Variants in MMP14 observed in about 807,000 individuals in gnomAD.
The protein encoded by MMP14 is matrix metallopeptidase 14.
In MMP14, 13 loss-of-function variants were observed where a neutral mutation model predicts 64.8. The observed-to-expected ratio is 0.20, with a 90% CI of 0.13 to 0.32. MMP14 has a LOEUF of 0.32. MMP14 is among the 10% of genes least tolerant of loss of function. The pLI, the probability that MMP14 is intolerant of heterozygous loss-of-function variation, is 1.00. For missense variants in MMP14, 594 were observed against 783.8 expected (o/e 0.76, Z 2.89); for synonymous variants, 322 against 315.9 (o/e 1.02, Z -0.20).
chr14:22,838,946 T>G (rs749484697), intron 1 of MMP14, among the ~76,000 whole-genome samples: 2 of 152,164 alleles, frequency 1.3e-5, no homozygotes, highest in Non-Finnish European at 2.9e-5. Context: ...CCTTCATTTT[T>G]CTCCCGAGGG....
chr14:22,842,746 TG>T lies in MMP14; in HGVS notation c.688+31del. 22 of 1,559,548 alleles carry T rather than the reference TG, an allele frequency of 1.4e-5. No individual in the cohort carries two copies. The Middle Eastern group carries it at 5.2e-4, about 37-fold the overall frequency. ...AGCCAAGTATCCCTGGGACTTACTC[TG>T]GAAAAAGCCAACAGTCATTTGTAGG... On this transcript the variant is annotated intron_variant, in intron 4 of 9. Transcript: ENST00000311852. The surrounding 1 kb of genome is among the most constrained non-coding windows in gnomAD (Gnocchi z 5.3).
In MMP14 at chr14:22,836,638, G is replaced by A. The variant is rs973163180; in HGVS notation, c.-180G>A. 4.0e-6 allele frequency: 2 copies of A among 500,864 alleles called. No homozygotes were observed. Among genetic ancestry groups the A allele is most frequent in the Admixed American group, 7.4e-5 (2 of 27,208 alleles). The allele number at this position is 500,864 out of a possible 1,614,324, so 31.0% of individuals were successfully genotyped here. On this transcript the variant is annotated 5_prime_UTR_variant, in exon 1 of 10. Coordinates refer to ENST00000311852, the MANE Select transcript of MMP14 (RefSeq NM_004995.4). ...AAAGATCAAAAACCGGAAAAGAGGA[G>A]AAGAGCAAACAGGCACTTTGAGGAA...
rs1171376176 is a variant in MMP14 at position 22,842,431 on chromosome 14, G to A, written c.402G>A (p.Lys134=). 1.9e-6 allele frequency: 3 copies of A among 1,613,190 alleles called. No homozygotes were observed. Among genetic ancestry groups the A allele is most frequent in the Non-Finnish European group, 2.5e-6 (3 of 1,179,474 alleles). ...TCAGCATCCAGAATTACACCCCCAA[G>A]GTGGGCGAGTATGCCACATACGAGG... ...ITFCIQNYTP[K]VGEYATYEAI... The change falls in exon 4 of 10, where the codon AAG becomes AAA. Residue 134 remains lysine, a synonymous_variant. Coordinates refer to ENST00000311852, the MANE Select transcript of MMP14 (RefSeq NM_004995.4). This position sits in a 1 kb window ranked among gnomAD's most constrained non-coding sequence, Gnocchi z 5.3.
chr14:22,841,568 AGCG>A lies in MMP14; in HGVS notation c.189_191del (p.Ala64del), dbSNP rs771845325. The A allele has an allele frequency of 6.2e-7, 1 of 1,614,052 alleles. No individual in the cohort carries two copies. Among genetic ancestry groups the A allele is most frequent in the Non-Finnish European group, 8.5e-7 (1 of 1,180,028 alleles). ...CACAGCGCTCACCCCAGTCACTCTC[AGCG>A]GCCATCGCTGCCATGCAGAAGTTTT... On this transcript the variant is annotated inframe_deletion, in exon 2 of 10. Transcript: ENST00000311852.
rs1312642761 is a variant in MMP14, at chr14:22,841,977, C to T, written c.322C>T (p.Arg108Ter). 1 of 1,614,236 alleles carries T rather than the reference C, an allele frequency of 6.2e-7. No individual in the cohort carries two copies. Among genetic ancestry groups the T allele is most frequent in the Non-Finnish European group, 8.5e-7 (1 of 1,180,040 alleles). The change falls in exon 3 of 10, where the codon CGA (arginine) becomes TGA (stop). Residue 108 changes from arginine (R) to a stop codon, truncating the protein, a stop_gained. Coordinates refer to ENST00000311852, the MANE Select transcript of MMP14 (RefSeq NM_004995.4). LOFTEE classifies it high-confidence loss of function. ...KFGAEIKANVRRKRYAIQGLK... is the reference protein window; with the variant it reads ...KFGAEIKANV The stretch of plus-strand genomic sequence containing the variant: ...TGGGGCTGAGATCAAGGCCAATGTT[C>T]GAAGGAAGCGCTACGCCATCCAGGG...
At chr14:22,841,039 G>A (rs2039769518) in intron 1 of MMP14, among the ~76,000 whole-genome samples, 1 of 152,198 alleles carries the variant, frequency 6.6e-6, no homozygotes, top group African/African-American at 2.4e-5. Flanking sequence ...TCCCATCCCA[G>A]GAGGGCCTCA....
rs749292451 is a variant in MMP14, at chr14:22,842,319, G to A, written c.381-91G>A. On this transcript the variant is annotated intron_variant, in intron 3 of 9. Coordinates refer to ENST00000311852, the MANE Select transcript of MMP14 (RefSeq NM_004995.4). The surrounding 1 kb of genome is among the most constrained non-coding windows in gnomAD (Gnocchi z 5.3). The stretch of plus-strand genomic sequence containing the variant: ...GGTCAGGCAGAGGTGGCTGGGCCGC[G>A]CAGTCAGACCTGGGAGAGTGCAGGG... The A allele has an allele frequency of 5.7e-5, 81 of 1,423,530 alleles. No individual in the cohort carries two copies. The highest frequency in any genetic ancestry group is 2.6e-4 in the Middle Eastern group (1 of 3,890). The allele number at this position is 1,423,530 out of a possible 1,614,324, so 88.2% of individuals were successfully genotyped here.
rs2039781658 is a variant in MMP14 at position 22,842,653 on chromosome 14, C to T, written c.624C>T (p.Asn208=). Residue 208 remains asparagine (N), a synonymous_variant, in exon 4 of 10, where the codon AAC becomes AAT. Transcript: ENST00000311852. The surrounding 1 kb of genome is among the most constrained non-coding windows in gnomAD (Gnocchi z 5.3). ...CCCATGCCTACTTCCCAGGCCCCAA[C>T]ATTGGAGGAGACACCCACTTTGACT... ...FLAHAYFPGP[N]IGGDTHFDSA... 3 of 1,613,856 alleles carry T rather than the reference C, an allele frequency of 1.9e-6. No individual in the cohort carries two copies. The highest frequency in any genetic ancestry group is 2.5e-6 in the Non-Finnish European group (3 of 1,179,870).
chr14:22,845,277 G>T lies in MMP14; in HGVS notation c.1328G>T (p.Arg443Met). The T allele has an allele frequency of 6.2e-7, 1 of 1,613,840 alleles. No individual in the cohort carries two copies. The highest frequency in any genetic ancestry group is 1.3e-5 in the African/African-American group (1 of 75,016). Reference protein sequence around the residue: ...NKYYRFNEELRAVDSEYPKNI... With the variant: ...NKYYRFNEELMAVDSEYPKNI... ...TACTACCGTTTCAACGAAGAGCTCA[G>T]GGCAGTGGATAGCGAGTACCCCAAG... is the stretch of plus-strand genomic sequence containing the variant. Residue 443 changes from arginine to methionine, a missense_variant, in exon 9 of 10, where the codon AGG becomes ATG. By Grantham distance (91) the Arg-to-Met change is moderately conservative. Transcript: ENST00000311852.
intron 9 of MMP14, 64 bp from the exon 10 acceptor site, chr14:22,845,644 G>A (rs570861367): frequency 3.9e-6 from 6 of 1,527,060 alleles, no homozygotes; most frequent in Admixed American, 1.7e-5. Flanking sequence ...AGCTTCCCTC[G>A]CTCCTCTCCT....
intron 2 of MMP14, 57 bp from the exon 3 acceptor site, chr14:22,841,856 A>G (rs1000492144): frequency 6.2e-7 from 1 of 1,608,354 alleles, no homozygotes; most frequent in African/African-American, 1.3e-5. Flanking sequence ...GATCGTGGAG[A>G]CCTTTCTCTT....
chr14:22,844,375 G>T lies in MMP14; in HGVS notation c.1016G>T (p.Arg339Leu), dbSNP rs140740223. 3 of 1,614,134 alleles carry T rather than the reference G, an allele frequency of 1.9e-6. No individual in the cohort carries two copies. The change falls in exon 7 of 10, where the codon CGC (arginine) becomes CTC (leucine). Residue 339 changes from arginine to leucine, a missense_variant. Coordinates refer to ENST00000311852, the MANE Select transcript of MMP14 (RefSeq NM_004995.4). Reference protein sequence around the residue: ...LRGEMFVFKERWFWRVRNNQV... With the variant: ...LRGEMFVFKELWFWRVRNNQV... ...CCTGCATTGACCGGCTTCCAGGAGC[G>T]CTGGTTCTGGCGGGTGAGGAATAAC...
chr14:22,845,425 G>C, intron 9 of MMP14, 59 bp downstream of exon 9: 2 of 1,275,720 alleles, frequency 1.6e-6, no homozygotes, highest in South Asian at 2.7e-5. Context: ...AGTTGAGGAA[G>C]AGCGGGAGGG....
At chr14:22,838,326 C>T (rs1309972981) in intron 1 of MMP14, among the ~76,000 whole-genome samples, 1 of 152,178 alleles carries the variant, frequency 6.6e-6, no homozygotes, top group East Asian at 1.9e-4. Flanking sequence ...TTTCCCTCCC[C>T]TGCTTTGCTG....
At position 22,846,198 on chromosome 14, in the gene MMP14, C is replaced by T. The variant is rs550137577; in HGVS notation, c.*159C>T. ...CCTGGCTGGCCTCCTTCACCCTGAC[C>T]GCCTCCCTCCCTCCTGCCCCGGCAT... On this transcript the variant is annotated 3_prime_UTR_variant, in exon 10 of 10. Transcript: ENST00000311852. 2.8e-5 allele frequency: 19 copies of T among 681,074 alleles called. No individual in the cohort carries two copies. Among genetic ancestry groups the T allele is most frequent in the Non-Finnish European group, 4.5e-5 (19 of 418,258 alleles). The allele number at this position is 681,074 out of a possible 1,614,324, so 42.2% of individuals were successfully genotyped here. A position where few individuals can be genotyped will look rare whatever the true frequency, so the allele number is the denominator to read the frequency against.
Position 22,841,539 on chromosome 14 carries a change from C to G in MMP14, c.157C>G (p.His53Asp). The part of the protein sequence containing the change: ...GYLPPGDLRT[H>D]TQRSPQSLSA... ...CCTGCCTCCCGGGGACCTACGTACC[C>G]ACACACAGCGCTCACCCCAGTCACT... Residue 53 changes from histidine (H) to aspartate (D), a missense_variant, in exon 2 of 10, where the codon CAC becomes GAC. Physicochemically the swap from His to Asp is moderately conservative, Grantham distance 81 (BLOSUM62 -1). Around this residue, in one of 4 missense-constraint regions of MMP14, gnomAD observed 179 missense variants for 283.4 expected, o/e 0.63. Transcript: ENST00000311852. 1 of 1,614,164 alleles carries G rather than the reference C, an allele frequency of 6.2e-7. No individual in the cohort carries two copies. Among genetic ancestry groups the G allele is most frequent in the Non-Finnish European group, 8.5e-7 (1 of 1,180,036 alleles).
In MMP14 at chr14:22,836,730, G is replaced by T; in HGVS notation, c.-88G>T. The T allele has an allele frequency of 1.4e-6, 1 of 707,008 alleles. No homozygotes were observed. The highest frequency in any genetic ancestry group is 2.3e-6 in the Non-Finnish European group (1 of 439,038). 43.8% of individuals were successfully genotyped at this position (707,008 alleles called of 1,614,324 possible). A position where few individuals can be genotyped will look rare whatever the true frequency, so the allele number is the denominator to read the frequency against. On this transcript the variant is annotated 5_prime_UTR_variant, in exon 1 of 10. In the 5' UTR this introduces an upstream ATG that the reference lacks. Transcript: ENST00000311852. The stretch of plus-strand genomic sequence containing the variant: ...AAGTTCAGTGCCTACCGAAGACAAA[G>T]GCGCCCCGAGGGAGTGGCGGTGCGA...
In MMP14 at chr14:22,842,986, G is replaced by C. The variant is rs1174099239; in HGVS notation, c.688+269G>C. On this transcript the variant is annotated intron_variant, in intron 4 of 9. Coordinates refer to ENST00000311852, the MANE Select transcript of MMP14 (RefSeq NM_004995.4). This position sits in a 1 kb window ranked among gnomAD's most constrained non-coding sequence, Gnocchi z 5.3. ...TCATGTCTCGCTCCCGGGAGAAACT[G>C]GGGACTAGAGAGAGCCTTGGCTTCC... Among the ~76,000 whole-genome samples, 3 of 152,202 alleles carry C rather than the reference G, an allele frequency of 2.0e-5. No individual in the cohort carries two copies. The highest frequency in any genetic ancestry group is 4.4e-5 in the Non-Finnish European group (3 of 68,034).
intron 2 of MMP14, 69 bp from the exon 3 acceptor site, chr14:22,841,844 C>T: frequency 1.2e-6 from 2 of 1,603,418 alleles, no homozygotes; most frequent in Admixed American, 1.7e-5. Flanking sequence ...TTACCCAACA[C>T]TGATCGTGGA....
Sources: allele counts gnomAD v4.1 joint callset (sites outside exome capture counted in the v4.1 genomes callset), GRCh38; gene constraint gnomAD v4.1.1; regional missense constraint gnomAD v4.1.1; non-coding constraint Gnocchi (gnomAD v3.1); transcripts MANE v1.5; gene names NCBI Gene and HGNC (gene_info 2026-07-23, HGNC 2026-07-21).